Variants in LRP1B observed in about 807,000 individuals in gnomAD.
LRP1B encodes LDL receptor related protein 1B.
Under a neutral mutation model 556.6 loss-of-function variants are expected in LRP1B, and 217 were observed. The ratio of observed to expected loss-of-function variants is 0.39; its 90% confidence interval spans 0.35 to 0.44. The LOEUF (loss-of-function observed/expected upper bound fraction) is 0.44, where lower values mean the gene tolerates loss of function less well. LRP1B is among the 20% of genes least tolerant of loss of function. The probability of loss-of-function intolerance (pLI) is 1.00; values close to 1 mark genes in which losing one functional copy is unlikely to be tolerated. For synonymous variants in LRP1B, 2,047 were observed against 1,865.8 expected (o/e 1.10, Z -2.50); for missense variants, 5,053 against 5,620.8 (o/e 0.90, Z 3.23).
At chr2:141,397,988 C>T (rs530713688) in intron 3 of LRP1B, among the ~76,000 whole-genome samples, 1 of 152,058 alleles carries the variant, frequency 6.6e-6, no homozygotes, top group African/African-American at 2.4e-5. Flanking sequence ...TAGACCTATA[C>T]TTTCACTTCA....
In LRP1B at chr2:140,501,852, A is replaced by T. The variant is rs1159208570; in HGVS notation, c.8685T>A (p.Phe2895Leu). 6.2e-7 allele frequency: 1 copy of T among 1,607,636 alleles called. No homozygotes were observed. The highest frequency in any genetic ancestry group is 1.3e-5 in the African/African-American group (1 of 74,804). ...TGCACCTGCCATTTTTGCACATAAA[A>T]AATGAACTGTTGCATGACTGTTCTG... ...KSAEQSCNSS[F>L]FMCKNGRCIP... The change falls in exon 55 of 91, where the codon TTT becomes TTA. Residue 2895 changes from phenylalanine to leucine, a missense_variant. By Grantham distance (22) the Phe-to-Leu change is conservative. Transcript: ENST00000389484.
intron 7 of LRP1B, among the ~76,000 whole-genome samples, chr2:141,179,455 A>G (rs1192009867): frequency 5.3e-5 from 8 of 152,082 alleles, no homozygotes; most frequent in Admixed American, 5.3e-4. Flanking sequence ...TTCAATCATT[A>G]TGAAGATCAA....
intron 3 of LRP1B, among the ~76,000 whole-genome samples, chr2:141,284,273 A>G (rs1256381125): frequency 6.6e-6 from 1 of 152,256 alleles, no homozygotes; most frequent in Non-Finnish European, 1.5e-5. Context: ...GAAGCAATAA[A>G]GTGTATGAGA....
In LRP1B at chr2:140,475,282, C is replaced by A. The variant is rs1464703399; in HGVS notation, c.9481G>T (p.Asp3161Tyr). 1 of 1,611,356 alleles carries A rather than the reference C, an allele frequency of 6.2e-7. No homozygotes were observed. Among genetic ancestry groups the A allele is most frequent in the Non-Finnish European group, 8.5e-7 (1 of 1,178,478 alleles). Reference sequence around the variant, plus strand: ...ATGACAACACTCTGATTGGTTCCATCCATTCCAACACGGCCAATATGAGGA... The same window carrying A: ...ATGACAACACTCTGATTGGTTCCATACATTCCAACACGGCCAATATGAGGA... ...EYPHIGRVGM[D>Y]GTNQSVVIET... Residue 3161 changes from aspartate (D) to tyrosine (Y), a missense_variant, in exon 60 of 91, where the codon GAT (aspartate) becomes TAT (tyrosine). Transcript: ENST00000389484.
chr2:141,818,778 T>C (rs1287640888), intron 1 of LRP1B, among the ~76,000 whole-genome samples: 9 of 151,238 alleles, frequency 6.0e-5, no homozygotes, highest in South Asian at 2.1e-4. Context: ...CCTCGTGATC[T>C]GCCCGCCTTG....
intron 41 of LRP1B, among the ~76,000 whole-genome samples, chr2:140,623,956 G>GTCTATATATATATATATATATATA (rs1339496296): frequency 9.4e-6 from 1 of 106,436 alleles, no homozygotes; most frequent in Non-Finnish European, 1.9e-5. Context: ...TTTTATTTAT[G>GTCTATATATATATATATATATATA]TATATATATA....
At chr2:141,934,714 A>G (rs996703310) in intron 1 of LRP1B, among the ~76,000 whole-genome samples, 3 of 152,028 alleles carry the variant, frequency 2.0e-5, no homozygotes, top group Non-Finnish European at 4.4e-5. Context: ...ATCGTTTTAT[A>G]AGGGGATTTT....
rs769661491 is a variant in LRP1B, at chr2:140,701,800, G to A, written c.6348C>T (p.Ala2116=). ...GSVRRGHKND[A]TETITMRTGL... is the part of the protein sequence containing the mutation. ...CGGTTCTCATGGTTATCGTTTCTGT[G>A]GCATCATTCTTGTGGCCCCTTCTGA... Residue 2116 remains alanine (A), a synonymous_variant, in exon 40 of 91, where the codon GCC becomes GCT. Transcript: ENST00000389484. 1 of 1,613,106 alleles carries A rather than the reference G, an allele frequency of 6.2e-7. No homozygotes were observed. Among genetic ancestry groups the A allele is most frequent in the Admixed American group, 1.7e-5 (1 of 59,870 alleles).
intron 7 of LRP1B, among the ~76,000 whole-genome samples, chr2:141,063,598 A>C (rs553914351): frequency 7.9e-5 from 12 of 151,928 alleles, no homozygotes; most frequent in Non-Finnish European, 1.3e-4. Context: ...CGATCAAATC[A>C]CTGCTTGGTA....
chr2:141,247,277 C>G lies in LRP1B; in HGVS notation c.541G>C (p.Val181Leu). The change falls in exon 5 of 91, where the codon GTG (valine) becomes CTG (leucine). Residue 181 changes from valine to leucine, a missense_variant. Transcript: ENST00000389484. ...NTHGSYTCSCVEGYLMQPDNR... is the reference protein window; with the variant it reads ...NTHGSYTCSCLEGYLMQPDNR... ...TCTGGCTGCATTAGGTAGCCTTCCACACAACTGCAAGTGTAGGATCCATGT... is the reference window on the plus strand; with the variant it reads ...TCTGGCTGCATTAGGTAGCCTTCCAGACAACTGCAAGTGTAGGATCCATGT... 2 of 1,613,798 alleles carry G rather than the reference C, an allele frequency of 1.2e-6. No individual in the cohort carries two copies. Among genetic ancestry groups the G allele is most frequent in the Non-Finnish European group, 1.7e-6 (2 of 1,179,780 alleles).
At chr2:141,727,057 A>C (rs1029148971) in intron 2 of LRP1B, among the ~76,000 whole-genome samples, 1 of 152,186 alleles carries the variant, frequency 6.6e-6, no homozygotes, top group Non-Finnish European at 1.5e-5. Context: ...GGAAAAAAAA[A>C]TTACCCATGC....
chr2:140,902,265 T>C (rs766181313), intron 23 of LRP1B, among the ~76,000 whole-genome samples: 17 of 152,024 alleles, frequency 1.1e-4, no homozygotes, highest in Non-Finnish European at 2.5e-4. Flanking sequence ...AAACACCCAA[T>C]GGATGTGCGG....
At chr2:140,801,547 C>T (rs1358281714) in intron 32 of LRP1B, among the ~76,000 whole-genome samples, 1 of 150,950 alleles carries the variant, frequency 6.6e-6, no homozygotes, top group Admixed American at 6.6e-5. Context: ...CCAGAGCGTT[C>T]ATCTTACAGG....
At chr2:140,959,237 G>A (rs1416065752) in intron 18 of LRP1B, among the ~76,000 whole-genome samples, 1 of 151,610 alleles carries the variant, frequency 6.6e-6, no homozygotes, top group African/African-American at 2.4e-5. Context: ...GATCCTTAAC[G>A]AGAGATACAG....
Position 140,903,045 on chromosome 2 carries a change from A to C in LRP1B, c.3641T>G (p.Ile1214Ser), listed in dbSNP as rs759807536. 1.2e-6 allele frequency: 2 copies of C among 1,613,586 alleles called. No homozygotes were observed. The highest frequency in any genetic ancestry group is 2.7e-5 in the African/African-American group (2 of 74,888). ...QLNKDNKTCE[I>S]VDYCSNHLKC... Reference sequence around the variant, plus strand: ...TAGATGATTGCTACAATAATCCACAATTTCACATGTTTTATTGTCTTTGTT... The same window carrying C: ...TAGATGATTGCTACAATAATCCACACTTTCACATGTTTTATTGTCTTTGTT... Residue 1214 changes from isoleucine (I) to serine (S), a missense_variant, in exon 23 of 91, where the codon ATT becomes AGT. This residue lies in a region of LRP1B where 3,619 missense variants were observed against 3,931.9 expected (regional missense o/e 0.92). Transcript: ENST00000389484.
At chr2:142,040,521 T>C (rs564828166) in intron 1 of LRP1B, among the ~76,000 whole-genome samples, 1 of 151,022 alleles carries the variant, frequency 6.6e-6, no homozygotes, top group East Asian at 2.0e-4. Flanking sequence ...TTGATAAAGA[T>C]GAAAACAAAA....
intron 56 of LRP1B, among the ~76,000 whole-genome samples, chr2:140,493,076 A>T (rs941748879): frequency 4.6e-5 from 7 of 152,094 alleles, no homozygotes; most frequent in Non-Finnish European, 7.4e-5. Context: ...ATGATCAGAA[A>T]TTTTTTTCTG....
intron 3 of LRP1B, among the ~76,000 whole-genome samples, chr2:141,308,628 C>T (rs1056329901): frequency 4.6e-5 from 7 of 152,002 alleles, no homozygotes; most frequent in Admixed American, 6.6e-5. Flanking sequence ...CAGTTAATTG[C>T]GTTACCATGT....
At chr2:141,691,623 C>T (rs1228163229) in intron 2 of LRP1B, among the ~76,000 whole-genome samples, 1 of 151,942 alleles carries the variant, frequency 6.6e-6, no homozygotes, top group African/African-American at 2.4e-5. Flanking sequence ...ATGATAATAA[C>T]TCCAGGAGCT....
Sources: gnomAD v4.1 joint callset for allele counts (sites outside exome capture counted in the v4.1 genomes callset) on GRCh38, gnomAD v4.1.1 for gene constraint, gnomAD v4.1.1 regional missense constraint, MANE v1.5 for transcripts, NCBI Gene and HGNC (gene_info 2026-07-23, HGNC 2026-07-21) for gene names.